Variants in HSF5 observed in about 807,000 individuals in gnomAD.
The protein encoded by HSF5 is heat shock factor protein 5.
Under a neutral mutation model 50.8 loss-of-function variants are expected in HSF5, and 5 were observed. That is an observed-to-expected ratio of 0.10 (90% CI 0.05 to 0.21). The LOEUF (loss-of-function observed/expected upper bound fraction) is 0.21. Ranked by LOEUF, HSF5 falls within the 10% of genes least tolerant of loss-of-function variation. The pLI, the probability that HSF5 is intolerant of heterozygous loss-of-function variation, is 1.00. For missense variants in HSF5, 564 were observed against 762.6 expected (o/e 0.74, Z 3.07); for synonymous variants, 307 against 307.4 (o/e 1.00, Z 0.02).
chr17:58,453,292 AACAAAAT>A (rs1232041711), intron 5 of HSF5, among the ~76,000 whole-genome samples: 1 of 152,176 alleles, frequency 6.6e-6, no homozygotes, highest in East Asian at 1.9e-4. Flanking sequence ...AAAAATCCTC[AACAAAAT>A]ACTAGCAAAC....
At chr17:58,472,800 C>T (rs531921025) in intron 2 of HSF5, among the ~76,000 whole-genome samples, 38 of 152,174 alleles carry the variant, frequency 2.5e-4, no homozygotes, top group Non-Finnish European at 4.7e-4. Context: ...AGCCCCACTC[C>T]CCAGAGCCCC....
chr17:58,476,347 G>C (rs565520798), intron 2 of HSF5: 43 of 1,103,788 alleles, frequency 3.9e-5, no homozygotes, highest in Middle Eastern at 3.0e-4. Context: ...TAACTCATCA[G>C]TACCTGCATC....
At chr17:58,454,949 C>T (rs1974689392) in intron 5 of HSF5, among the ~76,000 whole-genome samples, 1 of 152,134 alleles carries the variant, frequency 6.6e-6, no homozygotes, top group African/African-American at 2.4e-5. Context: ...ATACCAATGA[C>T]ATTCTTCACA....
chr17:58,446,269 G>A (rs1170740900), intron 5 of HSF5, among the ~76,000 whole-genome samples: 1 of 151,852 alleles, frequency 6.6e-6, no homozygotes. Context: ...AAGAGCTGAA[G>A]AAATCAGGTG....
intron 2 of HSF5, among the ~76,000 whole-genome samples, chr17:58,471,126 T>G (rs993018135): frequency 6.6e-6 from 1 of 152,174 alleles, no homozygotes; most frequent in African/African-American, 2.4e-5. Context: ...GATGAAAAAG[T>G]TCTGGAGATA....
chr17:58,488,260 G>A lies in HSF5; in HGVS notation c.15C>T (p.Leu5=), dbSNP rs1048588688. ...AGTTGTTGGGGTTGATGGGGGTGGA[G>A]AGCAGCGCCTCCATCGCCCCGCCGG... The part of the protein sequence containing the change: MEAL[L]STPINPNNFP... Residue 5 remains leucine, a synonymous_variant, in exon 1 of 6, where the codon CTC becomes CTT. Coordinates refer to ENST00000323777, the MANE Select transcript of HSF5 (RefSeq NM_001080439.3). This position sits in a 1 kb window ranked among gnomAD's most constrained non-coding sequence, Gnocchi z 4.1. The A allele has an allele frequency of 6.7e-6, 10 of 1,484,336 alleles. No homozygotes were observed. The highest frequency in any genetic ancestry group is 8.8e-6 in the Non-Finnish European group (10 of 1,130,940). The allele number at this position is 1,484,336 out of a possible 1,614,324, so 91.9% of individuals were successfully genotyped here. A position where few individuals can be genotyped will look rare whatever the true frequency, so the allele number is the denominator to read the frequency against.
chr17:58,487,055 G>T (rs561969913), intron 1 of HSF5, among the ~76,000 whole-genome samples: 1 of 152,068 alleles, frequency 6.6e-6, no homozygotes, highest in African/African-American at 2.4e-5. Context: ...TTACAGGCGT[G>T]CACCACCATG....
At chr17:58,459,196 A>G (rs1974756263) in intron 4 of HSF5, among the ~76,000 whole-genome samples, 1 of 152,012 alleles carries the variant, frequency 6.6e-6, no homozygotes, top group Non-Finnish European at 1.5e-5. Flanking sequence ...TTAACTTACA[A>G]AAGTACAGGT....
intron 5 of HSF5, among the ~76,000 whole-genome samples, chr17:58,425,151 T>C (rs1974277969): frequency 6.6e-6 from 1 of 151,918 alleles, no homozygotes; most frequent in Admixed American, 6.6e-5. Context: ...GTAATCCCAG[T>C]ATTTTGGGAG....
intron 1 of HSF5, among the ~76,000 whole-genome samples, chr17:58,480,762 G>GCTGT (rs1555644446): frequency 1.4e-5 from 2 of 146,486 alleles, no homozygotes; most frequent in South Asian, 4.4e-4. Flanking sequence ...AACGCTCTTT[G>GCTGT]CTATCTATCT....
intron 1 of HSF5, among the ~76,000 whole-genome samples, chr17:58,486,139 G>A (rs1407540467): frequency 2.0e-5 from 3 of 151,950 alleles, no homozygotes; most frequent in African/African-American, 2.4e-5. Flanking sequence ...CAAGGCTGGC[G>A]GATCACCTGA....
chr17:58,467,283 A>G (rs988523181), intron 2 of HSF5, among the ~76,000 whole-genome samples: 1 of 152,202 alleles, frequency 6.6e-6, no homozygotes, highest in African/African-American at 2.4e-5. Context: ...AAGTAATTTC[A>G]TTTTATTGAA....
intron 2 of HSF5, among the ~76,000 whole-genome samples, chr17:58,474,052 C>A (rs1974981112): frequency 6.6e-6 from 1 of 152,118 alleles, no homozygotes; most frequent in South Asian, 2.1e-4. Flanking sequence ...CCATGTTGGC[C>A]AGGCTGGTCT....
Position 58,488,221 on chromosome 17 carries a change from C to T in HSF5, c.54G>A (p.Leu18=). 1 of 1,517,696 alleles carries T rather than the reference C, an allele frequency of 6.6e-7. No individual in the cohort carries two copies. The highest frequency in any genetic ancestry group is 8.7e-7 in the Non-Finnish European group (1 of 1,146,006). 94.0% of individuals were successfully genotyped at this position (1,517,696 alleles called of 1,614,324 possible). The part of the protein sequence containing the change: ...PINPNNFPAK[L]WRLVNSPRYR... ...AGCGCGGGCTGTTCACCAGGCGCCA[C>T]AGCTTGGCGGGGAAGTTGTTGGGGT... is the stretch of plus-strand genomic sequence containing the variant. Residue 18 remains leucine, a synonymous_variant, in exon 1 of 6, where the codon CTG becomes CTA. Transcript: ENST00000323777. The surrounding 1 kb of genome is among the most constrained non-coding windows in gnomAD (Gnocchi z 4.1).
chr17:58,455,367 G>A (rs1332025182), intron 5 of HSF5, among the ~76,000 whole-genome samples: 2 of 152,058 alleles, frequency 1.3e-5, no homozygotes, highest in Non-Finnish European at 2.9e-5. Flanking sequence ...TCAAAACTAT[G>A]AAACTATTAG....
intron 5 of HSF5, among the ~76,000 whole-genome samples, chr17:58,456,159 G>C (rs1476474899): frequency 8.5e-6 from 1 of 117,046 alleles, no homozygotes; most frequent in Admixed American, 8.1e-5. Context: ...ATATGTGTGT[G>C]TGTATATACA....
Position 58,479,963 on chromosome 17 carries a change from C to G in HSF5, c.855G>C (p.Met285Ile), listed in dbSNP as rs762108297. Residue 285 changes from methionine (M) to isoleucine (I), a missense_variant, in exon 2 of 6, where the codon ATG becomes ATC. By Grantham distance (10) the Met-to-Ile change is conservative. Coordinates refer to ENST00000323777, the MANE Select transcript of HSF5 (RefSeq NM_001080439.3). ...TACTGTATTTTTGGGAGGAGCTGAC[C>G]ATTGTTTGAGGACCTTGTTGAACAT... ...SVHVQQGPQTMVSSSQKYSNY... is the reference protein window; with the variant it reads ...SVHVQQGPQTIVSSSQKYSNY... 4.3e-6 allele frequency: 7 copies of G among 1,613,880 alleles called. No homozygotes were observed. In the East Asian group the frequency reaches 1.6e-4, roughly 36 times the overall value.
rs774435362 is a variant in HSF5, at chr17:58,487,777, T to A, written c.498A>T (p.Pro166=). 114 of 1,491,266 alleles carry A rather than the reference T, an allele frequency of 7.6e-5. No homozygotes were observed. Among genetic ancestry groups the A allele is most frequent in the African/African-American group, 1.4e-4 (10 of 69,136 alleles). The allele number at this position is 1,491,266 out of a possible 1,614,324, so 92.4% of individuals were successfully genotyped here. A position where few individuals can be genotyped will look rare whatever the true frequency, so the allele number is the denominator to read the frequency against. Residue 166 remains proline, a synonymous_variant, in exon 1 of 6, where the codon CCA becomes CCT. Transcript: ENST00000323777. ...GCGGCGGCGGCTGCTGGTGCTGCAG[T>A]GGCGCGGTGGCGGCGGAGGCCGAGG... ...LITSASAATA[P]LQHQQPPPPA... is the part of the protein sequence containing the mutation.
chr17:58,473,406 A>G (rs1259333683), intron 2 of HSF5, among the ~76,000 whole-genome samples: 1 of 152,216 alleles, frequency 6.6e-6, no homozygotes, highest in African/African-American at 2.4e-5. Context: ...ATAGGATTCT[A>G]TATATAAAGA....
Sources: allele counts gnomAD v4.1 joint callset (sites outside exome capture counted in the v4.1 genomes callset), GRCh38; gene constraint gnomAD v4.1.1; non-coding constraint Gnocchi (gnomAD v3.1); transcripts MANE v1.5; gene names NCBI Gene and HGNC (gene_info 2026-07-23, HGNC 2026-07-21).